Variants in ZNF804A observed in about 807,000 individuals in gnomAD.
The protein encoded by ZNF804A is zinc finger protein 804A.
A neutral mutation model predicts 16.5 loss-of-function variants in ZNF804A; 2 were observed. The observed-to-expected ratio is 0.12, with a 90% CI of 0.05 to 0.38. The LOEUF (loss-of-function observed/expected upper bound fraction) is 0.38. Among genes scored for constraint, ZNF804A ranks in the 10% least tolerant of loss-of-function variants. ZNF804A has a pLI of 0.99. For synonymous variants in ZNF804A, 534 were observed against 489.6 expected (o/e 1.09, Z -1.20); for missense variants, 1,473 against 1,390.7 (o/e 1.06, Z -0.94).
chr2:184,754,161 T>C (rs1694432002), intron 1 of ZNF804A, among the ~76,000 whole-genome samples: 1 of 151,762 alleles, frequency 6.6e-6, no homozygotes, highest in Non-Finnish European at 1.5e-5. Context: ...TCAGGATATG[T>C]CCACAGCTTA....
intron 1 of ZNF804A, among the ~76,000 whole-genome samples, chr2:184,759,911 T>C (rs12992805): frequency 0.81 from 122,402 of 152,040 alleles, 49,437 homozygotes; most frequent in East Asian, 0.86. Flanking sequence ...TATCTCCCTT[T>C]GCTGACTCTC....
intron 2 of ZNF804A, among the ~76,000 whole-genome samples, chr2:184,918,292 A>G (rs1052335258): frequency 6.6e-6 from 1 of 152,186 alleles, no homozygotes; most frequent in Non-Finnish European, 1.5e-5. Context: ...CTTCCAGTTC[A>G]GTGGAATAAT....
At chr2:184,726,193 A>T (rs1368820024) in intron 1 of ZNF804A, among the ~76,000 whole-genome samples, 2 of 151,690 alleles carry the variant, frequency 1.3e-5, no homozygotes, top group Non-Finnish European at 3.0e-5. Context: ...GTATTTCTAG[A>T]GTTTTAAGAA....
chr2:184,670,760 C>A (rs1428877483), intron 1 of ZNF804A, among the ~76,000 whole-genome samples: 1 of 151,968 alleles, frequency 6.6e-6, no homozygotes, highest in Non-Finnish European at 1.5e-5. Context: ...AGAGTAAAGA[C>A]ATCTTCTATT....
chr2:184,758,985 C>T (rs2105762372), intron 1 of ZNF804A, among the ~76,000 whole-genome samples: 1 of 151,700 alleles, frequency 6.6e-6, no homozygotes, highest in East Asian at 1.9e-4. Context: ...GACACATACA[C>T]ACATTATTAT....
intron 1 of ZNF804A, among the ~76,000 whole-genome samples, chr2:184,773,997 G>A (rs948799616): frequency 2.0e-5 from 3 of 151,788 alleles, no homozygotes; most frequent in Non-Finnish European, 4.4e-5. Context: ...ATCGAGAGCT[G>A]TGTCAGTAAA....
intron 1 of ZNF804A, among the ~76,000 whole-genome samples, chr2:184,643,386 C>A (rs1691822968): frequency 6.6e-6 from 1 of 151,850 alleles, no homozygotes; most frequent in Non-Finnish European, 1.5e-5. Context: ...AGTCTTTTCT[C>A]ATAGTAATGT....
chr2:184,766,150 T>C (rs1172258760), intron 1 of ZNF804A, among the ~76,000 whole-genome samples: 2 of 152,160 alleles, frequency 1.3e-5, no homozygotes, highest in African/African-American at 4.8e-5. Context: ...ATTACTTTAT[T>C]GTTAAGTTTC....
intron 1 of ZNF804A, among the ~76,000 whole-genome samples, chr2:184,615,342 A>G (rs546645341): frequency 6.6e-6 from 1 of 152,314 alleles, no homozygotes; most frequent in East Asian, 1.9e-4. Context: ...CACATTCTGC[A>G]CATGTATCCC....
rs186661154 is a variant in ZNF804A at position 184,750,392 on chromosome 2, A to G, written c.112-115977A>G. Reference sequence around the variant, plus strand: ...TCTGCCAATCAATACATTACATCTCATTTTGAAAAAGTTGATTGGTTTTAT... The same window carrying G: ...TCTGCCAATCAATACATTACATCTCGTTTTGAAAAAGTTGATTGGTTTTAT... On this transcript the variant is annotated intron_variant, in intron 1 of 3. Coordinates refer to ENST00000302277, the MANE Select transcript of ZNF804A (RefSeq NM_194250.2). Among the ~76,000 whole-genome samples, 315 of 151,518 alleles carry G rather than the reference A, an allele frequency of 2.1e-3. 1 individual carries two copies. The highest frequency in any genetic ancestry group is 7.3e-3 in the African/African-American group (303 of 41,476).
At chr2:184,868,623 C>A (rs1695920023) in intron 2 of ZNF804A, among the ~76,000 whole-genome samples, 1 of 151,856 alleles carries the variant, frequency 6.6e-6, no homozygotes, top group African/African-American at 2.4e-5. Flanking sequence ...AAAGAGAGAA[C>A]AAAACAAACT....
At chr2:184,684,628 G>A (rs1559125820) in intron 1 of ZNF804A, among the ~76,000 whole-genome samples, 1 of 152,056 alleles carries the variant, frequency 6.6e-6, no homozygotes, top group Non-Finnish European at 1.5e-5. Context: ...TTGTTGTATG[G>A]ATATATTATG....
In ZNF804A at chr2:184,598,710, C is replaced by T. The variant is rs1250427041; in HGVS notation, c.-250C>T. On this transcript the variant is annotated 5_prime_UTR_variant, in exon 1 of 4. Coordinates refer to ENST00000302277, the MANE Select transcript of ZNF804A (RefSeq NM_194250.2). ...GAATCCTCCCGCGGGGCTCGTCGTC[C>T]CGACGCGAATCTGAGGAGAAACAGG... is the stretch of plus-strand genomic sequence containing the variant. The T allele has an allele frequency of 1.7e-5, 5 of 292,196 alleles. No individual in the cohort carries two copies. The highest frequency in any genetic ancestry group is 2.5e-5 in the Non-Finnish European group (4 of 159,458). 18.1% of individuals were successfully genotyped at this position (292,196 alleles called of 1,614,324 possible).
chr2:184,812,538 G>T (rs1187850572), intron 1 of ZNF804A, among the ~76,000 whole-genome samples: 3 of 152,150 alleles, frequency 2.0e-5, no homozygotes, highest in Non-Finnish European at 4.4e-5. Flanking sequence ...GCGAGAAGGA[G>T]TAAGGATCCT....
intron 1 of ZNF804A, among the ~76,000 whole-genome samples, chr2:184,843,644 T>G (rs1215245024): frequency 6.6e-6 from 1 of 152,174 alleles, no homozygotes; most frequent in Non-Finnish European, 1.5e-5. Flanking sequence ...CCTAAAACAC[T>G]GAAATTTGTG....
At chr2:184,820,193 G>A (rs1695052051) in intron 1 of ZNF804A, among the ~76,000 whole-genome samples, 1 of 151,974 alleles carries the variant, frequency 6.6e-6, no homozygotes, top group Non-Finnish European at 1.5e-5. Context: ...ACTAAATCCA[G>A]CAGCACATAA....
chr2:184,614,698 AC>A (rs1691292622), intron 1 of ZNF804A, among the ~76,000 whole-genome samples: 1 of 152,214 alleles, frequency 6.6e-6, no homozygotes, highest in African/African-American at 2.4e-5. Context: ...CAAGAAAAAA[AC>A]AAACATCCCA....
chr2:184,611,770 G>C (rs1691243378), intron 1 of ZNF804A, among the ~76,000 whole-genome samples: 1 of 152,132 alleles, frequency 6.6e-6, no homozygotes, highest in Admixed American at 6.5e-5. Context: ...TTAGTAAAGA[G>C]TCAGTTTAAA....
At chr2:184,765,910 T>C (rs551896061) in intron 1 of ZNF804A, among the ~76,000 whole-genome samples, 1 of 152,308 alleles carries the variant, frequency 6.6e-6, no homozygotes, top group East Asian at 1.9e-4. Flanking sequence ...TTAAGTAGAA[T>C]TATATATCTG....
Sources: allele counts gnomAD v4.1 joint callset (sites outside exome capture counted in the v4.1 genomes callset), GRCh38; gene constraint gnomAD v4.1.1; transcripts MANE v1.5; gene names NCBI Gene and HGNC (gene_info 2026-07-23, HGNC 2026-07-21).